Variants in GRID1 observed in about 807,000 individuals in gnomAD.
The protein encoded by GRID1 is glutamate ionotropic receptor delta type subunit 1, also known as glutamate receptor ionotropic, delta-1.
Under a neutral mutation model 98.0 loss-of-function variants are expected in GRID1, and 28 were observed. The observed-to-expected ratio is 0.29, with a 90% confidence interval of 0.21 to 0.39. The LOEUF (loss-of-function observed/expected upper bound fraction) is 0.39. Ranked by LOEUF, GRID1 falls within the 10% of genes least tolerant of loss-of-function variation. The pLI, the probability that GRID1 is intolerant of heterozygous loss-of-function variation, is 1.00. For missense variants in GRID1, 1,111 were observed against 1,340.5 expected (o/e 0.83, Z 2.67); for synonymous variants, 553 against 538.5 (o/e 1.03, Z -0.37).
At chr10:86,228,821 T>C (rs12570376) in intron 2 of GRID1, among the ~76,000 whole-genome samples, 43,138 of 151,944 alleles carry the variant, frequency 0.28, 6,960 homozygotes, top group Non-Finnish European at 0.38. Context: ...TTATACTCAC[T>C]TGGCAACCAG....
intron 2 of GRID1, among the ~76,000 whole-genome samples, chr10:86,219,932 C>T (rs754360814): frequency 1.3e-5 from 2 of 152,270 alleles, no homozygotes; most frequent in East Asian, 1.9e-4. Context: ...TTGGCAATCA[C>T]GAAGCCCAGG....
At chr10:86,292,515 G>A (rs903517527) in intron 2 of GRID1, among the ~76,000 whole-genome samples, 5 of 152,206 alleles carry the variant, frequency 3.3e-5, no homozygotes, top group African/African-American at 4.8e-5. Context: ...ACAGATAAGC[G>A]TCGCCCCTGG....
At chr10:85,873,675 C>G (rs1843300870) in intron 5 of GRID1, among the ~76,000 whole-genome samples, 1 of 152,160 alleles carries the variant, frequency 6.6e-6, no homozygotes, top group Non-Finnish European at 1.5e-5. Flanking sequence ...AAATAACATA[C>G]AGTTTAGTCT....
chr10:85,951,293 G>C (rs949015466), intron 4 of GRID1, among the ~76,000 whole-genome samples: 2 of 152,148 alleles, frequency 1.3e-5, no homozygotes, highest in African/African-American at 4.8e-5. Flanking sequence ...AATGTGATGG[G>C]ATGGAATCAG....
intron 8 of GRID1, among the ~76,000 whole-genome samples, chr10:85,762,232 T>C (rs1842154382): frequency 6.6e-6 from 1 of 152,230 alleles, no homozygotes; most frequent in Non-Finnish European, 1.5e-5. Flanking sequence ...ATATGCATGA[T>C]AATTAAATTT....
At chr10:85,890,132 C>T (rs1004341719) in intron 5 of GRID1, among the ~76,000 whole-genome samples, 3 of 151,952 alleles carry the variant, frequency 2.0e-5, no homozygotes, top group Non-Finnish European at 4.4e-5. Flanking sequence ...GACACTAGAA[C>T]TTATTCCTTC....
intron 2 of GRID1, chr10:86,264,765 A>G: frequency 2.0e-6 from 1 of 493,962 alleles, no homozygotes; most frequent in African/African-American, 1.9e-5. Flanking sequence ...GCATGCGGGC[A>G]GACAGACGCC....
chr10:86,139,189 C>T (rs531592721), intron 3 of GRID1, among the ~76,000 whole-genome samples, 165 bp from the exon 4 acceptor site: 59 of 152,298 alleles, frequency 3.9e-4, no homozygotes, highest in African/African-American at 1.3e-3. Flanking sequence ...AGGACGCCGG[C>T]GTAGACCCAG....
intron 8 of GRID1, among the ~76,000 whole-genome samples, chr10:85,778,530 T>A (rs1452377285): frequency 6.6e-5 from 10 of 152,136 alleles, no homozygotes; most frequent in Non-Finnish European, 2.9e-5. Flanking sequence ...AAGATACAGT[T>A]CCTGACCTCG....
At chr10:85,726,781 ATAAG>A (rs1841765275) in intron 10 of GRID1, among the ~76,000 whole-genome samples, 2 of 152,244 alleles carry the variant, frequency 1.3e-5, no homozygotes, top group Non-Finnish European at 1.5e-5. Flanking sequence ...GGCATTAACT[ATAAG>A]TAGGTATGAA....
chr10:85,665,303 A>G (rs1479689675), intron 12 of GRID1, among the ~76,000 whole-genome samples: 1 of 152,170 alleles, frequency 6.6e-6, no homozygotes, highest in Non-Finnish European at 1.5e-5. Flanking sequence ...CTACAGATCC[A>G]AAGTCCTCTA....
At chr10:85,938,839 A>G (rs937306313) in intron 4 of GRID1, among the ~76,000 whole-genome samples, 2 of 152,240 alleles carry the variant, frequency 1.3e-5, no homozygotes, top group Non-Finnish European at 2.9e-5. Context: ...TTACAACTTG[A>G]TAATACCAGC....
At chr10:86,032,396 T>C (rs939482140) in intron 4 of GRID1, among the ~76,000 whole-genome samples, 1 of 152,062 alleles carries the variant, frequency 6.6e-6, no homozygotes, top group Admixed American at 6.5e-5. Context: ...GGGGGAAGTG[T>C]GGGGAAAGGA....
intron 4 of GRID1, among the ~76,000 whole-genome samples, chr10:86,052,917 T>C (rs1843521578): frequency 6.6e-6 from 1 of 152,178 alleles, no homozygotes; most frequent in Non-Finnish European, 1.5e-5. Context: ...TCCCCAGCAA[T>C]TGTAGATCTA....
intron 4 of GRID1, among the ~76,000 whole-genome samples, chr10:86,030,822 C>A (rs1033390592): frequency 3.3e-5 from 5 of 152,206 alleles, no homozygotes; most frequent in African/African-American, 1.2e-4. Flanking sequence ...AGTCAGGCTG[C>A]AGACATAGAC....
At chr10:86,085,852 C>T (rs372115902) in intron 4 of GRID1, among the ~76,000 whole-genome samples, 1 of 152,132 alleles carries the variant, frequency 6.6e-6, no homozygotes, top group African/African-American at 2.4e-5. Flanking sequence ...CTCACCGAGC[C>T]CCAAGAGCAG....
At chr10:86,157,979 C>T (rs1589391435) in intron 3 of GRID1, among the ~76,000 whole-genome samples, 1 of 152,312 alleles carries the variant, frequency 6.6e-6, no homozygotes, top group Middle Eastern at 3.4e-3. Flanking sequence ...ATGGAACCAG[C>T]ACAGCCTAGA....
chr10:86,154,122 G>A (rs1845210084), intron 3 of GRID1, among the ~76,000 whole-genome samples: 1 of 152,092 alleles, frequency 6.6e-6, no homozygotes, highest in Non-Finnish European at 1.5e-5. Flanking sequence ...CCAGTGGGGT[G>A]GGGCTGCAAC....
intron 4 of GRID1, among the ~76,000 whole-genome samples, chr10:86,075,148 C>T (rs1843863295): frequency 1.4e-5 from 2 of 146,370 alleles, no homozygotes; most frequent in Non-Finnish European, 3.0e-5. Context: ...TCCCACCCTG[C>T]CAGTTTGACT....
Sources: allele counts gnomAD v4.1 joint callset (sites outside exome capture counted in the v4.1 genomes callset), GRCh38; gene constraint gnomAD v4.1.1; transcripts MANE v1.5; gene names NCBI Gene and HGNC (gene_info 2026-07-23, HGNC 2026-07-21).